The following ERC2 variants were observed in gnomAD, a reference collection of about 807,000 sequenced individuals.
ERC2 encodes ELKS/RAB6-interacting/CAST family member 2.
Under a neutral mutation model 114.8 loss-of-function variants are expected in ERC2, and 42 were observed. The observed-to-expected ratio is 0.37, with a 90% CI of 0.29 to 0.47. The LOEUF (loss-of-function observed/expected upper bound fraction) is 0.47, where lower values mean the gene tolerates loss of function less well. Ranked by LOEUF, ERC2 falls within the 20% of genes least tolerant of loss-of-function variation. ERC2 has a pLI of 0.99. For missense variants in ERC2, 939 were observed against 1,150.7 expected (o/e 0.82, Z 2.66); for synonymous variants, 454 against 425.5 (o/e 1.07, Z -0.82).
chr3:55,636,254 C>A (rs1575863697), intron 17 of ERC2, among the ~76,000 whole-genome samples: 1 of 152,130 alleles, frequency 6.6e-6, no homozygotes, highest in East Asian at 1.9e-4. Context: ...ATTCACAGGG[C>A]AGAATAAGGA....
At chr3:55,652,420 C>T (rs1349721641) in intron 17 of ERC2, among the ~76,000 whole-genome samples, 1 of 152,150 alleles carries the variant, frequency 6.6e-6, no homozygotes, top group African/African-American at 2.4e-5. Flanking sequence ...CATTTACAGA[C>T]CAGGTCCTTG....
At chr3:55,954,933 G>A (rs2067835730) in intron 12 of ERC2, among the ~76,000 whole-genome samples, 1 of 151,760 alleles carries the variant, frequency 6.6e-6, no homozygotes, top group African/African-American at 2.4e-5. Flanking sequence ...CCATCAGAAG[G>A]AAACTGAAGA....
intron 3 of ERC2, among the ~76,000 whole-genome samples, chr3:56,194,554 G>T (rs1285005658): frequency 6.6e-6 from 1 of 152,174 alleles, no homozygotes; most frequent in Non-Finnish European, 1.5e-5. Flanking sequence ...AGTTGCTCTG[G>T]ATCAGTGAGT....
In ERC2 at chr3:55,619,593, T is replaced by G. The variant is rs1399887803; in HGVS notation, c.*39+64201A>C. Among the ~76,000 whole-genome samples the G allele has an allele frequency of 2.0e-5, 3 of 152,142 alleles. No homozygotes were observed. The East Asian group carries it at 5.8e-4, about 29-fold the overall frequency. ...CGTACGATAATAATAAAACCAAAAC[T>G]GAAGTTTTGTTTCATACCCACTGAG... On this transcript the variant is annotated intron_variant, in intron 17 of 17. Transcript: ENST00000288221.
At chr3:55,717,308 T>C (rs1427162716) in intron 15 of ERC2, among the ~76,000 whole-genome samples, 1 of 152,210 alleles carries the variant, frequency 6.6e-6, no homozygotes, top group Non-Finnish European at 1.5e-5. Context: ...CCTGTCAGTC[T>C]ATGGGGCACA....
chr3:56,462,255 A>G (rs1327325151), intron 1 of ERC2, among the ~76,000 whole-genome samples: 1 of 152,264 alleles, frequency 6.6e-6, no homozygotes, highest in Non-Finnish European at 1.5e-5. Context: ...AGCCATCAGT[A>G]GAAGTGAATA....
chr3:55,809,711 C>T (rs897959218), intron 14 of ERC2, among the ~76,000 whole-genome samples: 1 of 152,176 alleles, frequency 6.6e-6, no homozygotes, highest in Non-Finnish European at 1.5e-5. Flanking sequence ...GTATCAAAGT[C>T]CCCACTGGGC....
At chr3:56,188,747 C>A (rs1018485996) in intron 3 of ERC2, among the ~76,000 whole-genome samples, 3 of 152,196 alleles carry the variant, frequency 2.0e-5, no homozygotes, top group African/African-American at 7.2e-5. Context: ...CAGCCTAAAT[C>A]TTTTCACATC....
intron 2 of ERC2, among the ~76,000 whole-genome samples, chr3:56,427,694 A>C (rs2061625227): frequency 6.6e-6 from 1 of 152,156 alleles, no homozygotes; most frequent in Non-Finnish European, 1.5e-5. Flanking sequence ...GTGAGGACAC[A>C]CAGGGAGAAG....
At chr3:55,850,083 T>G (rs2061508350) in intron 14 of ERC2, among the ~76,000 whole-genome samples, 1 of 152,184 alleles carries the variant, frequency 6.6e-6, no homozygotes, top group Non-Finnish European at 1.5e-5. Flanking sequence ...TTGACATTGT[T>G]TGACTTACAG....
intron 3 of ERC2, among the ~76,000 whole-genome samples, chr3:56,232,720 G>A (rs1050452481): frequency 3.9e-5 from 6 of 152,160 alleles, no homozygotes; most frequent in African/African-American, 1.4e-4. Context: ...CCTCACCTCT[G>A]TAGTCCTTGA....
chr3:55,859,342 A>G (rs1370483495), intron 14 of ERC2, among the ~76,000 whole-genome samples: 1 of 151,544 alleles, frequency 6.6e-6, no homozygotes, highest in Non-Finnish European at 1.5e-5. Flanking sequence ...GTAACTCTAA[A>G]CTGTTTACTG....
At chr3:56,458,450 C>T (rs2063163183) in intron 1 of ERC2, among the ~76,000 whole-genome samples, 1 of 152,078 alleles carries the variant, frequency 6.6e-6, no homozygotes, top group African/African-American at 2.4e-5. Flanking sequence ...TCAAGGTGGC[C>T]CATGAATGCA....
intron 14 of ERC2, among the ~76,000 whole-genome samples, chr3:55,850,845 A>AACAC (rs61573924): frequency 0.22 from 27,569 of 125,704 alleles, 3,287 homozygotes; most frequent in Admixed American, 0.29. Flanking sequence ...CTCTTTTTCA[A>AACAC]ACACACACAC....
At chr3:55,804,920 T>C (rs9838012) in intron 14 of ERC2, among the ~76,000 whole-genome samples, 26,790 of 151,840 alleles carry the variant, frequency 0.18, 2,512 homozygotes, top group Middle Eastern at 0.3. Flanking sequence ...CCACTTGAAG[T>C]GTGGCAACTC....
At chr3:56,040,580 C>CATATACATATACAT (rs756308197) in intron 7 of ERC2, among the ~76,000 whole-genome samples, 3 of 74,570 alleles carry the variant, frequency 4.0e-5, no homozygotes, top group Admixed American at 1.6e-4. Context: ...TATATGTATA[C>CATATACATATACAT]ATATACATAT....
intron 11 of ERC2, 77 bp downstream of exon 11, chr3:55,991,980 C>A (rs2071093610): frequency 7.6e-7 from 1 of 1,309,778 alleles, no homozygotes; most frequent in Admixed American, 1.9e-5. Flanking sequence ...CAGTCCAAAT[C>A]CACCACAACC....
At chr3:55,663,657 C>T (rs922146179) in intron 17 of ERC2, among the ~76,000 whole-genome samples, 3 of 152,194 alleles carry the variant, frequency 2.0e-5, no homozygotes, top group Non-Finnish European at 2.9e-5. Flanking sequence ...CAGAATGTGG[C>T]AAAATGCCTT....
chr3:55,945,477 T>C (rs545508675), intron 13 of ERC2, among the ~76,000 whole-genome samples: 5 of 152,212 alleles, frequency 3.3e-5, no homozygotes, highest in Non-Finnish European at 7.3e-5. Flanking sequence ...GCTTAAGATA[T>C]ACACGTCCTT....
Sources: gnomAD v4.1 joint callset for allele counts (sites outside exome capture counted in the v4.1 genomes callset) on GRCh38, gnomAD v4.1.1 for gene constraint, MANE v1.5 for transcripts, NCBI Gene and HGNC (gene_info 2026-07-23, HGNC 2026-07-21) for gene names.